Variants in PDE4D observed in about 807,000 individuals in gnomAD.
PDE4D encodes the protein 3',5'-cyclic-AMP phosphodiesterase 4D.
Under a neutral mutation model 87.4 loss-of-function variants are expected in PDE4D, and 24 were observed. The observed-to-expected ratio is 0.27, with a 90% confidence interval of 0.20 to 0.39. The LOEUF (loss-of-function observed/expected upper bound fraction) is 0.39. PDE4D is among the 10% of genes least tolerant of loss of function. The pLI, the probability that PDE4D is intolerant of heterozygous loss-of-function variation, is 1.00. For missense variants in PDE4D, 714 were observed against 1,041.0 expected (o/e 0.69, Z 4.32); for synonymous variants, 384 against 383.2 (o/e 1.00, Z -0.02).
chr5:60,032,275 T>C (rs1043063341), intron 2 of PDE4D, among the ~76,000 whole-genome samples: 2 of 152,164 alleles, frequency 1.3e-5, no homozygotes, highest in African/African-American at 2.4e-5. Flanking sequence ...CTTTAGACTA[T>C]GGTATGCTCA....
rs183890110 is a variant in PDE4D, at chr5:59,715,380, G to A, written c.455+177788C>T. Among the ~76,000 whole-genome samples, 4 of 152,330 alleles carry A rather than the reference G, an allele frequency of 2.6e-5. No homozygotes were observed. In the East Asian group the frequency reaches 7.7e-4, roughly 29 times the overall value. ...TACATGCTGAGCCTTCACCATTTAA[G>A]GAAGGGCATCCCCCCCTATGCCCGA... On this transcript the variant is annotated intron_variant, in intron 1 of 14. Coordinates refer to ENST00000340635, the MANE Select transcript of PDE4D (RefSeq NM_001104631.2).
At chr5:59,273,998 C>T (rs1764336454) in intron 1 of PDE4D, among the ~76,000 whole-genome samples, 1 of 152,040 alleles carries the variant, frequency 6.6e-6, no homozygotes, top group Non-Finnish European at 1.5e-5. Flanking sequence ...CATCTTTTCA[C>T]ATAGGAATGG....
intron 5 of PDE4D, among the ~76,000 whole-genome samples, chr5:59,118,368 C>T (rs188024314): frequency 6.6e-6 from 1 of 152,276 alleles, no homozygotes; most frequent in African/African-American, 2.4e-5. Context: ...CTCTGCTATA[C>T]AATAAGCTGC....
intron 3 of PDE4D, among the ~76,000 whole-genome samples, chr5:59,188,836 AC>A (rs1368807873): frequency 3.3e-5 from 5 of 152,244 alleles, no homozygotes; most frequent in African/African-American, 1.2e-4. Context: ...TGGTTTGTAC[AC>A]CAGAAAAGGT....
At chr5:59,861,986 G>A (rs917268059) in intron 1 of PDE4D, among the ~76,000 whole-genome samples, 3 of 152,172 alleles carry the variant, frequency 2.0e-5, no homozygotes, top group Non-Finnish European at 4.4e-5. Context: ...CAGTTCATTT[G>A]AGAGTTTACT....
At chr5:59,756,366 A>G (rs115614976) in intron 1 of PDE4D, among the ~76,000 whole-genome samples, 1,776 of 152,308 alleles carry the variant, frequency 0.012, 34 homozygotes, top group African/African-American at 0.04. Context: ...GAAATATAAC[A>G]GGCATAAATA....
At chr5:59,035,557 T>C (rs1758360190) in intron 6 of PDE4D, among the ~76,000 whole-genome samples, 1 of 152,180 alleles carries the variant, frequency 6.6e-6, no homozygotes, top group African/African-American at 2.4e-5. Flanking sequence ...TAACAACAGA[T>C]ACAGTGCCTA....
intron 5 of PDE4D, among the ~76,000 whole-genome samples, chr5:59,138,211 T>C (rs189359128): frequency 6.6e-6 from 1 of 152,366 alleles, no homozygotes; most frequent in East Asian, 1.9e-4. Context: ...AGTATTGATA[T>C]TCATTTCACA....
At chr5:59,522,640 T>A (rs900534418) in intron 1 of PDE4D, among the ~76,000 whole-genome samples, 10 of 152,210 alleles carry the variant, frequency 6.6e-5, no homozygotes, top group African/African-American at 2.4e-4. Flanking sequence ...TTGTTCTTAT[T>A]AAATTGCGAA....
intron 1 of PDE4D, among the ~76,000 whole-genome samples, chr5:60,468,148 G>GT (rs945881360): frequency 3.7e-4 from 34 of 92,606 alleles, no homozygotes; most frequent in Admixed American, 5.3e-4. Context: ...TTTTTTTTTT[G>GT]TTTTTTTTGA....
chr5:60,283,886 A>G (rs1290219032), intron 1 of PDE4D, among the ~76,000 whole-genome samples: 1 of 152,016 alleles, frequency 6.6e-6, no homozygotes, highest in East Asian at 1.9e-4. Context: ...TGTATTTCCT[A>G]TGCACAGAGT....
intron 1 of PDE4D, among the ~76,000 whole-genome samples, chr5:59,651,272 AT>A (rs1743451282): frequency 7.0e-6 from 1 of 142,190 alleles, no homozygotes; most frequent in Non-Finnish European, 1.5e-5. Context: ...AATAATAATA[AT>A]AATAATAATA....
rs566905565 is a variant in PDE4D, at chr5:59,577,704, G to A, written c.455+315464C>T. Among the ~76,000 whole-genome samples the A allele has an allele frequency of 9.9e-4, 150 of 152,256 alleles. 1 individual carries two copies. In the Middle Eastern group the frequency reaches 0.01, roughly 10 times the overall value. Reference sequence around the variant, plus strand: ...TCTGTATAAAGTAGTGGTGAGCACTGAATGCTGACAATAATAGCGGAAGCT... The same window carrying A: ...TCTGTATAAAGTAGTGGTGAGCACTAAATGCTGACAATAATAGCGGAAGCT... On this transcript the variant is annotated intron_variant, in intron 1 of 14. Transcript: ENST00000340635.
At chr5:60,012,500 A>G (rs1190516175) in intron 2 of PDE4D, among the ~76,000 whole-genome samples, 4 of 152,200 alleles carry the variant, frequency 2.6e-5, no homozygotes, top group Non-Finnish European at 4.4e-5. Context: ...AATGATTCAG[A>G]AAAAATCCTG....
intron 1 of PDE4D, among the ~76,000 whole-genome samples, chr5:59,556,623 G>T (rs559667912): frequency 6.6e-6 from 1 of 152,108 alleles, no homozygotes; most frequent in Non-Finnish European, 1.5e-5. Flanking sequence ...TGTTCTTCTC[G>T]TCTAGCATTT....
intron 1 of PDE4D, among the ~76,000 whole-genome samples, chr5:60,399,502 C>T (rs149944516): frequency 3.9e-5 from 6 of 152,234 alleles, no homozygotes; most frequent in Admixed American, 6.5e-5. Context: ...TTACAGCAGT[C>T]AAGATAGCCA....
chr5:60,458,214 A>G (rs1290033711), intron 1 of PDE4D, among the ~76,000 whole-genome samples: 1 of 151,998 alleles, frequency 6.6e-6, no homozygotes, highest in Admixed American at 6.6e-5. Flanking sequence ...GTGAAACCCC[A>G]TCTCTACTAA....
At chr5:59,006,404 A>C (rs1379211739) in intron 6 of PDE4D, among the ~76,000 whole-genome samples, 1 of 151,994 alleles carries the variant, frequency 6.6e-6, no homozygotes, top group Non-Finnish European at 1.5e-5. Flanking sequence ...CGTCTCTACA[A>C]AAAATTTAAA....
chr5:59,404,664 T>TTAAAAAA (rs1397620171), intron 1 of PDE4D, among the ~76,000 whole-genome samples: 1 of 137,100 alleles, frequency 7.3e-6, no homozygotes, highest in African/African-American at 2.7e-5. Flanking sequence ...AGACTCTGTC[T>TTAAAAAA]AAAAAAAAAA....
Sources: allele counts gnomAD v4.1 joint callset (sites outside exome capture counted in the v4.1 genomes callset), GRCh38; gene constraint gnomAD v4.1.1; transcripts MANE v1.5; gene names NCBI Gene and HGNC (gene_info 2026-07-23, HGNC 2026-07-21).